The following TRPC6 variants were observed in gnomAD, a reference collection of about 807,000 sequenced individuals.
The protein encoded by TRPC6 is short transient receptor potential channel 6.
A neutral mutation model predicts 90.7 loss-of-function variants in TRPC6; 55 were observed. The ratio of observed to expected loss-of-function variants is 0.61; its 90% CI spans 0.49 to 0.76. The LOEUF is 0.76. Ranked by LOEUF, TRPC6 falls within the 30% of genes least tolerant of loss-of-function variation. The pLI, the probability that TRPC6 is intolerant of heterozygous loss-of-function variation, is 0.00. For missense variants in TRPC6, 989 were observed against 1,122.7 expected, an observed-to-expected ratio of 0.88 and a Z score of 1.70; for synonymous variants, 393 against 393.0, an observed-to-expected ratio of 1.00 and a Z score of 0.00.
chr11:101,468,522 G>T (rs1020839989), intron 10 of TRPC6, among the ~76,000 whole-genome samples: 3 of 152,196 alleles, frequency 2.0e-5, no homozygotes, highest in African/African-American at 7.2e-5. Context: ...TATAACAACA[G>T]AAATTGTTGG....
At chr11:101,576,570 G>T (rs17096917) in intron 1 of TRPC6, among the ~76,000 whole-genome samples, 3,714 of 152,192 alleles carry the variant, frequency 0.024, 175 homozygotes, top group African/African-American at 0.085. Flanking sequence ...GCATATGGAT[G>T]AACACTTCTG....
chr11:101,548,354 TAA>T (rs1200383462), intron 1 of TRPC6, among the ~76,000 whole-genome samples: 8 of 123,138 alleles, frequency 6.5e-5, no homozygotes, highest in African/African-American at 1.3e-4. Context: ...TATAATTATA[TAA>T]TTATATCTTA....
chr11:101,524,982 T>A (rs1414183580), intron 1 of TRPC6, among the ~76,000 whole-genome samples: 4 of 152,194 alleles, frequency 2.6e-5, no homozygotes, highest in African/African-American at 4.8e-5. Flanking sequence ...ATCAATCAAG[T>A]CTCATTGCCT....
At chr11:101,488,817 C>T in intron 4 of TRPC6, 120 bp downstream of exon 4, 2 of 1,092,188 alleles carry the variant, frequency 1.8e-6, no homozygotes, top group Non-Finnish European at 2.7e-6. Context: ...ATGTTAAAAA[C>T]AATAAAGATT....
chr11:101,495,171 A>G (rs1257075894), intron 2 of TRPC6, among the ~76,000 whole-genome samples: 1 of 152,206 alleles, frequency 6.6e-6, no homozygotes, highest in East Asian at 1.9e-4. Flanking sequence ...TTGAAAAGAG[A>G]TAACTCACAG....
At chr11:101,487,714 T>C (rs1859709291) in intron 4 of TRPC6, among the ~76,000 whole-genome samples, 1 of 152,194 alleles carries the variant, frequency 6.6e-6, no homozygotes, top group South Asian at 2.1e-4. Context: ...TCATTTTATG[T>C]TCCTCATTTA....
intron 1 of TRPC6, among the ~76,000 whole-genome samples, chr11:101,568,798 C>T (rs774531247): frequency 7.2e-5 from 11 of 152,182 alleles, no homozygotes; most frequent in Non-Finnish European, 1.5e-4. Flanking sequence ...AAATCCTTTA[C>T]AGACCAGCAA....
At chr11:101,492,226 A>G (rs1859843848) in intron 2 of TRPC6, among the ~76,000 whole-genome samples, 1 of 152,144 alleles carries the variant, frequency 6.6e-6, no homozygotes, top group Non-Finnish European at 1.5e-5. Flanking sequence ...ATTTTAGCAC[A>G]TGAAGATTTT....
chr11:101,536,688 A>T (rs893524842), intron 1 of TRPC6, among the ~76,000 whole-genome samples: 2 of 152,176 alleles, frequency 1.3e-5, no homozygotes, highest in Admixed American at 1.3e-4. Context: ...GGGATCAGAG[A>T]GCTGAAAGGA....
chr11:101,489,019 G>A lies in TRPC6; in HGVS notation c.1211C>T (p.Ala404Val), dbSNP rs36111323. ...NLSGLRQQTM[A>V]VKFLVVLAVA... ...AGCAAGGACCACAAGGAACTTGACC[G>A]CCATTGTCTGCTGTCGTAAACCAGA... The change falls in exon 4 of 13, where the codon GCG becomes GTG. Residue 404 changes from alanine (A) to valine (V), a missense_variant. Ala to Val is a moderately conservative substitution (Grantham distance 64). Around this residue, in one of 4 missense-constraint regions of TRPC6, gnomAD observed 486 missense variants for 591.9 expected, o/e 0.82. Coordinates refer to ENST00000344327, the MANE Select transcript of TRPC6 (RefSeq NM_004621.6). 0.11 allele frequency: 179,908 copies of A among 1,614,072 alleles called. 10,911 individuals are homozygous for A. Among genetic ancestry groups the A allele is most frequent in the Non-Finnish European group, 0.12 (144,070 of 1,179,950 alleles).
At chr11:101,531,788 T>C (rs1860917560) in intron 1 of TRPC6, among the ~76,000 whole-genome samples, 2 of 152,342 alleles carry the variant, frequency 1.3e-5, no homozygotes. Context: ...TTTTTTTGTA[T>C]CTTCTATAAC....
chr11:101,528,387 C>T (rs114935623), intron 1 of TRPC6, among the ~76,000 whole-genome samples: 1 of 152,166 alleles, frequency 6.6e-6, no homozygotes, highest in African/African-American at 2.4e-5. Context: ...TCATTGCCTA[C>T]ACATTGCAAA....
At chr11:101,538,350 C>T (rs1861098903) in intron 1 of TRPC6, among the ~76,000 whole-genome samples, 1 of 152,096 alleles carries the variant, frequency 6.6e-6, no homozygotes, top group African/African-American at 2.4e-5. Context: ...TTAGGAGGTA[C>T]ATAGTCCAGG....
intron 10 of TRPC6, among the ~76,000 whole-genome samples, chr11:101,461,482 G>A (rs572287219): frequency 3.3e-5 from 5 of 152,280 alleles, no homozygotes; most frequent in African/African-American, 1.2e-4. Flanking sequence ...TGAGGTGGGA[G>A]GATCACCTGA....
intron 10 of TRPC6, among the ~76,000 whole-genome samples, chr11:101,462,336 A>G (rs946603735): frequency 1.3e-5 from 2 of 152,160 alleles, no homozygotes; most frequent in African/African-American, 4.8e-5. Context: ...GTTTTTTCCA[A>G]TTCAGTGAAG....
intron 7 of TRPC6, 116 bp from the exon 8 acceptor site, chr11:101,472,448 T>G (rs1316566244): frequency 1.1e-6 from 1 of 950,014 alleles, no homozygotes. Flanking sequence ...TAAAAAAAAT[T>G]CTTCACTTCT....
At chr11:101,527,710 A>AC (rs1295335945) in intron 1 of TRPC6, among the ~76,000 whole-genome samples, 1 of 151,982 alleles carries the variant, frequency 6.6e-6, no homozygotes, top group Non-Finnish European at 1.5e-5. Flanking sequence ...TAAATAATTG[A>AC]TTTTTTTTCC....
intron 2 of TRPC6, among the ~76,000 whole-genome samples, chr11:101,498,571 C>A (rs573229884): frequency 6.6e-6 from 1 of 152,172 alleles, no homozygotes; most frequent in South Asian, 2.1e-4. Flanking sequence ...CCCATGGTCT[C>A]TTTTGTTAAT....
intron 5 of TRPC6, among the ~76,000 whole-genome samples, chr11:101,480,103 G>A (rs924367816): frequency 2.6e-5 from 4 of 152,070 alleles, no homozygotes; most frequent in African/African-American, 7.2e-5. Context: ...GCTTGAACCC[G>A]GGAGGTGGAG....
Sources: allele counts gnomAD v4.1 joint callset (sites outside exome capture counted in the v4.1 genomes callset), GRCh38; gene constraint gnomAD v4.1.1; regional missense constraint gnomAD v4.1.1; transcripts MANE v1.5; gene names NCBI Gene and HGNC (gene_info 2026-07-23, HGNC 2026-07-21).